MICALL1: variants seen among roughly 807,000 people sequenced by gnomAD.
MICALL1 encodes the protein MICAL-like protein 1.
In MICALL1, 61 loss-of-function variants were observed where a neutral mutation model predicts 83.7. The observed-to-expected ratio is 0.73, with a 90% confidence interval of 0.59 to 0.90. The LOEUF is 0.90. Ranked by LOEUF, MICALL1 falls within the 40% of genes least tolerant of loss-of-function variation. The pLI, the probability that MICALL1 is intolerant of heterozygous loss-of-function variation, is 0.00. For missense variants in MICALL1, 1,066 were observed against 1,152.0 expected (o/e 0.93, Z 1.08); for synonymous variants, 481 against 473.6 (o/e 1.02, Z -0.20).
intron 1 of MICALL1, 111 bp from the exon 2 acceptor site, chr22:37,911,841 T>C (rs1379291085): frequency 1.9e-6 from 2 of 1,056,054 alleles, no homozygotes; most frequent in Non-Finnish European, 3.0e-6. Flanking sequence ...CTGAGGTTGA[T>C]GCTGGCTGGG....
intron 5 of MICALL1, among the ~76,000 whole-genome samples, chr22:37,920,926 A>C (rs1410077978): frequency 1.4e-5 from 2 of 143,918 alleles, no homozygotes; most frequent in Non-Finnish European, 3.0e-5. Flanking sequence ...ACTCCGTCTC[A>C]AAAAAAAAAA....
chr22:37,934,657 C>A (rs1031392908), intron 13 of MICALL1, among the ~76,000 whole-genome samples: 9 of 150,526 alleles, frequency 6.0e-5, no homozygotes, highest in Non-Finnish European at 1.3e-4. Context: ...AGTGCAGTGG[C>A]GCGATCTCGG....
chr22:37,924,851 G>A lies in MICALL1; in HGVS notation c.1082+134G>A. The A allele has an allele frequency of 1.2e-6, 1 of 807,514 alleles. No individual in the cohort carries two copies. The highest frequency in any genetic ancestry group is 2.8e-5 in the Admixed American group (1 of 36,120). 50.0% of individuals were successfully genotyped at this position (807,514 alleles called of 1,614,324 possible). A position where few individuals can be genotyped will look rare whatever the true frequency, so the allele number is the denominator to read the frequency against. ...GGCTCAGGAGGGGAAGGAGAGCTGG[G>A]CCCACACCCCTTCTCCTGAGGCTCA... On this transcript the variant is annotated intron_variant, in intron 7 of 15. Transcript: ENST00000215957. The surrounding 1 kb of genome is among the most constrained non-coding windows in gnomAD (Gnocchi z 5.2).
Position 37,915,117 on chromosome 22 carries a change from G to C in MICALL1, c.338-2590G>C, listed in dbSNP as rs533606183. Among the ~76,000 whole-genome samples the C allele has an allele frequency of 2.6e-5, 4 of 152,124 alleles. No individual in the cohort carries two copies. In the South Asian group the frequency reaches 8.3e-4, roughly 32 times the overall value. ...AATAAAAAAATTAACCAGGCATAGTGGTGGCACACCTGTAGTCCTAGCTAC... is the reference window on the plus strand; with the variant it reads ...AATAAAAAAATTAACCAGGCATAGTCGTGGCACACCTGTAGTCCTAGCTAC... On this transcript the variant is annotated intron_variant, in intron 3 of 15. Transcript: ENST00000215957.
Position 37,913,696 on chromosome 22 carries a change from G to T in MICALL1, c.337+1204G>T, listed in dbSNP as rs991868114. On this transcript the variant is annotated intron_variant, in intron 3 of 15. Coordinates refer to ENST00000215957, the MANE Select transcript of MICALL1 (RefSeq NM_033386.4). ...CCTCCCCTTCTGCAGAGATGAGATA[G>T]GCCTAGAGAGGGGAAGCAAGGAGCT... is the stretch of plus-strand genomic sequence containing the variant. Among the ~76,000 whole-genome samples the T allele has an allele frequency of 3.3e-5, 5 of 152,122 alleles. 1 individual carries two copies. The highest frequency in any genetic ancestry group is 7.3e-5 in the Non-Finnish European group (5 of 68,042).
chr22:37,935,515 T>A (rs1301591123), intron 13 of MICALL1, among the ~76,000 whole-genome samples: 1 of 151,888 alleles, frequency 6.6e-6, no homozygotes. Context: ...CACCTCGGCC[T>A]CCCAAAGTGC....
At chr22:37,937,619 T>C in intron 14 of MICALL1, 127 bp from the exon 15 acceptor site, 1 of 882,296 alleles carries the variant, frequency 1.1e-6, no homozygotes, top group South Asian at 1.6e-5. Context: ...AGATGGGGTT[T>C]CACCATGTTG....
Position 37,925,771 on chromosome 22 carries a change from A to G in MICALL1, c.1193A>G (p.Asp398Gly). 7 of 1,613,244 alleles carry G rather than the reference A, an allele frequency of 4.3e-6. No homozygotes were observed. The highest frequency in any genetic ancestry group is 5.9e-6 in the Non-Finnish European group (7 of 1,179,962). Residue 398 changes from aspartate (D) to glycine (G), a missense_variant, in exon 8 of 16, where the codon GAC (aspartate) becomes GGC (glycine). Physicochemically the swap from Asp to Gly is moderately conservative, Grantham distance 94. Transcript: ENST00000215957. ...PSSSPGPPSQ[D>G]SRQVENGGTE... ...AGCAGCCCGGGGCCACCAAGCCAGGACAGCAGGCAGGTGGAGAATGGAGGC... is the reference window on the plus strand; with the variant it reads ...AGCAGCCCGGGGCCACCAAGCCAGGGCAGCAGGCAGGTGGAGAATGGAGGC...
intron 5 of MICALL1, among the ~76,000 whole-genome samples, chr22:37,921,348 A>G (rs1162931872): frequency 2.0e-5 from 3 of 152,140 alleles, no homozygotes; most frequent in Non-Finnish European, 4.4e-5. Context: ...CAGGTGGATC[A>G]CTTGAGGTTG....
chr22:37,937,418 CTT>C (rs34844677), intron 14 of MICALL1, among the ~76,000 whole-genome samples: 7 of 113,414 alleles, frequency 6.2e-5, no homozygotes, highest in African/African-American at 1.3e-4. Flanking sequence ...GCTGCCGCTG[CTT>C]TTTTTTTTTT....
Position 37,932,733 on chromosome 22 carries a change from AT to A in MICALL1, c.2143+56del, listed in dbSNP as rs760246634. On this transcript the variant is annotated intron_variant, in intron 11 of 15. Transcript: ENST00000215957. The surrounding 1 kb of genome is among the most constrained non-coding windows in gnomAD (Gnocchi z 4.4). ...GGTGGGGCTGGGGGCAGGAGCCTCT[AT>A]TCCCCGGGGAACTGAGCCAGGCATG... 6.2e-7 allele frequency: 1 copy of A among 1,612,464 alleles called. No individual in the cohort carries two copies. Among genetic ancestry groups the A allele is most frequent in the Non-Finnish European group, 8.5e-7 (1 of 1,179,290 alleles).
At position 37,922,109 on chromosome 22, in the gene MICALL1, A is replaced by C; in HGVS notation, c.707A>C (p.Gln236Pro). Residue 236 changes from glutamine to proline, a missense_variant, in exon 6 of 16, where the codon CAG becomes CCG. Physicochemically the swap from Gln to Pro is moderately conservative, Grantham distance 76. Transcript: ENST00000215957. ...GGGACCAGGCCTGGGCCCTTCTCAC[A>C]GCCAAAGCAGCAGCACCAGCAGCAA... ...RSGTRPGPFS[Q>P]PKQQHQQQLA... is the part of the protein sequence containing the mutation. 6.2e-7 allele frequency: 1 copy of C among 1,613,308 alleles called. No homozygotes were observed.
rs1929049554 is a variant in MICALL1, at chr22:37,921,831, G to A, written c.570-141G>A. On this transcript the variant is annotated intron_variant, in intron 5 of 15. Coordinates refer to ENST00000215957, the MANE Select transcript of MICALL1 (RefSeq NM_033386.4). ...AGTTACTGTTTTCTTTATCCTCTGG[G>A]AAGTCTAGGGTATGGAGTCGAGCTT... 9 of 639,772 alleles carry A rather than the reference G, an allele frequency of 1.4e-5. No homozygotes were observed. The South Asian group carries it at 2.1e-4, about 15-fold the overall frequency. The allele number at this position is 639,772 out of a possible 1,614,324, so 39.6% of individuals were successfully genotyped here.
chr22:37,939,805 G>A (rs954813363), intron 15 of MICALL1, among the ~76,000 whole-genome samples: 11 of 146,722 alleles, frequency 7.5e-5, no homozygotes, highest in Non-Finnish European at 1.6e-4. Context: ...AAAGATAAGT[G>A]GGGCCAGGCA....
intron 15 of MICALL1, among the ~76,000 whole-genome samples, chr22:37,938,967 G>C (rs1422392396): frequency 6.6e-6 from 1 of 152,068 alleles, no homozygotes. Flanking sequence ...TGTTGACCAG[G>C]CTGGTCTCGA....
intron 6 of MICALL1, 117 bp downstream of exon 6, chr22:37,922,543 G>A: frequency 1.6e-6 from 1 of 608,578 alleles, no homozygotes; most frequent in Non-Finnish European, 2.7e-6. Flanking sequence ...TGTGTGCTGT[G>A]CTGTGTTGGG....
chr22:37,927,272 G>C, intron 8 of MICALL1, 139 bp from the exon 9 acceptor site: 1 of 1,032,644 alleles, frequency 9.7e-7, no homozygotes. Context: ...GCTGTTCCCT[G>C]GGCCTTGGCC....
rs138697070 is a variant in MICALL1, at chr22:37,940,710, G to T, written c.2472G>T (p.Glu824Asp). 2 of 1,613,842 alleles carry T rather than the reference G, an allele frequency of 1.2e-6. No individual in the cohort carries two copies. Among genetic ancestry groups the T allele is most frequent in the East Asian group, 4.5e-5 (2 of 44,854 alleles). The stretch of plus-strand genomic sequence containing the variant: ...AGTGCTCCCCTCTCTGTGCTGCAGA[G>T]TTCCAGAGGGAGGCTGAACCTGAGG... ...KMLEAMIKKK[E>D]FQREAEPEGK... The change falls in exon 16 of 16, where the codon GAG becomes GAT. Residue 824 changes from glutamate (E) to aspartate (D), a missense_variant and splice_region_variant. Physicochemically the swap from Glu to Asp is conservative, Grantham distance 45 (BLOSUM62 2). Coordinates refer to ENST00000215957, the MANE Select transcript of MICALL1 (RefSeq NM_033386.4).
At chr22:37,913,452 C>T (rs1453155215) in intron 3 of MICALL1, among the ~76,000 whole-genome samples, 1 of 152,240 alleles carries the variant, frequency 6.6e-6, no homozygotes, top group African/African-American at 2.4e-5. Context: ...CCCCGGCACC[C>T]ACCCTCACTT....
Sources: allele counts gnomAD v4.1 joint callset (sites outside exome capture counted in the v4.1 genomes callset), GRCh38; gene constraint gnomAD v4.1.1; non-coding constraint Gnocchi (gnomAD v3.1); transcripts MANE v1.5; gene names NCBI Gene and HGNC (gene_info 2026-07-23, HGNC 2026-07-21).